Variants in ERLEC1 observed in about 807,000 individuals in gnomAD.
ERLEC1 encodes ER lectin.
Under a neutral mutation model 68.0 loss-of-function variants are expected in ERLEC1, and 47 were observed. The observed-to-expected ratio is 0.69, with a 90% confidence interval of 0.55 to 0.88. The LOEUF is 0.88. Ranked by LOEUF, ERLEC1 falls within the 40% of genes least tolerant of loss-of-function variation. The probability of loss-of-function intolerance (pLI) is 0.00; values close to 1 mark genes in which losing one functional copy is unlikely to be tolerated. For missense variants in ERLEC1, 567 were observed against 583.8 expected (o/e 0.97, Z 0.30); for synonymous variants, 225 against 203.2 (o/e 1.11, Z -0.91).
In ERLEC1 at chr2:53,812,996, A is replaced by G; in HGVS notation, c.1149A>G (p.Gln383=). 1 of 1,613,794 alleles carries G rather than the reference A, an allele frequency of 6.2e-7. No individual in the cohort carries two copies. The highest frequency in any genetic ancestry group is 8.5e-7 in the Non-Finnish European group (1 of 1,179,938). Residue 383 remains glutamine, a synonymous_variant, in exon 11 of 14, where the codon CAA becomes CAG. Coordinates refer to ENST00000185150, the MANE Select transcript of ERLEC1 (RefSeq NM_015701.5). ...KTSVVVGTWN[Q]EEHIEWAKKN... ...CTGTGGTTGTCGGGACATGGAACCA[A>G]GAAGAGCATATTGAATGGGCTAAGA...
intron 10 of ERLEC1, among the ~76,000 whole-genome samples, chr2:53,811,938 A>G (rs1218543673): frequency 6.6e-6 from 1 of 152,052 alleles, no homozygotes; most frequent in Non-Finnish European, 1.5e-5. Flanking sequence ...TTTGTTTGAG[A>G]CAGAGTTTTC....
chr2:53,807,528 C>T (rs755815432), intron 8 of ERLEC1, among the ~76,000 whole-genome samples: 2 of 152,154 alleles, frequency 1.3e-5, no homozygotes, highest in Non-Finnish European at 2.9e-5. Flanking sequence ...GCCTCAACCT[C>T]CCGAGTAGCT....
At chr2:53,788,863 C>G (rs966463893) in intron 1 of ERLEC1, among the ~76,000 whole-genome samples, 5 of 152,052 alleles carry the variant, frequency 3.3e-5, no homozygotes, top group African/African-American at 9.7e-5. Context: ...CCAAAGAGCA[C>G]ACTTGGAGTG....
chr2:53,814,807 G>T, intron 12 of ERLEC1, 53 bp from the exon 13 acceptor site: 1 of 1,352,246 alleles, frequency 7.4e-7, no homozygotes, highest in Non-Finnish European at 1.1e-6. Context: ...GTTATTAACA[G>T]TGATCTTACT....
At chr2:53,802,870 T>C (rs566191967) in intron 8 of ERLEC1, among the ~76,000 whole-genome samples, 3 of 152,304 alleles carry the variant, frequency 2.0e-5, no homozygotes, top group African/African-American at 7.2e-5. Flanking sequence ...GTGCTGGGAT[T>C]ACAAGCGTGC....
Position 53,787,276 on chromosome 2 carries a change from C to T in ERLEC1, c.66C>T (p.Cys22=). 2 of 1,608,746 alleles carry T rather than the reference C, an allele frequency of 1.2e-6. No homozygotes were observed. The highest frequency in any genetic ancestry group is 8.5e-7 in the Non-Finnish European group (1 of 1,179,916). ...VPGGPVLLVL[C]GLLEASGGGR... ...GCGGGCCGGTGTTACTGGTCCTCTG[C>T]GGCCTCCTGGAGGCGTCCGGCGGCG... is the stretch of plus-strand genomic sequence containing the variant. The change falls in exon 1 of 14, where the codon TGC becomes TGT. Residue 22 remains cysteine (C), a synonymous_variant. Transcript: ENST00000185150.
chr2:53,804,033 AGGCACAAGAAT>A, intron 8 of ERLEC1, among the ~76,000 whole-genome samples: 1 of 152,212 alleles, frequency 6.6e-6, no homozygotes, highest in Non-Finnish European at 1.5e-5. Context: ...CGGGAGGATG[AGGCACAAGAAT>A]GGCTCGAACC....
chr2:53,788,088 C>G (rs1346425264), intron 1 of ERLEC1, among the ~76,000 whole-genome samples: 1 of 152,206 alleles, frequency 6.6e-6, no homozygotes, highest in East Asian at 1.9e-4. Context: ...AAAAGTCTTC[C>G]TGTCCACGTG....
chr2:53,814,653 T>C (rs1301047525), intron 12 of ERLEC1, 33 bp downstream of exon 12: 1 of 1,520,156 alleles, frequency 6.6e-7, no homozygotes, highest in East Asian at 2.3e-5. Flanking sequence ...GCTGTATGCC[T>C]TTGTCTTTTA....
At position 53,809,214 on chromosome 2, in the gene ERLEC1, G is replaced by A. The variant is rs749755587; in HGVS notation, c.1042G>A (p.Gly348Ser). The A allele has an allele frequency of 1.2e-5, 19 of 1,579,782 alleles. No individual in the cohort carries two copies. Among genetic ancestry groups the A allele is most frequent in the Non-Finnish European group, 1.6e-5 (19 of 1,170,028 alleles). Residue 348 changes from glycine (G) to serine (S), a missense_variant and splice_region_variant, in exon 10 of 14, where the codon GGT (glycine) becomes AGT (serine). Coordinates refer to ENST00000185150, the MANE Select transcript of ERLEC1 (RefSeq NM_015701.5). Reference protein sequence around the residue: ...FLSGSYCFRGGVGWWKYEFCY... With the variant: ...FLSGSYCFRGSVGWWKYEFCY... Reference sequence around the variant, plus strand: ...TCTAATATGTTTTCTTTTTTTTTAGGGTGTCGGTTGGTGGAAATATGAATT... The same window carrying A: ...TCTAATATGTTTTCTTTTTTTTTAGAGTGTCGGTTGGTGGAAATATGAATT...
rs1676001899 is a variant in ERLEC1 at position 53,801,489 on chromosome 2, C to G, written c.618C>G (p.Pro206=). Residue 206 remains proline (P), a synonymous_variant, in exon 7 of 14, where the codon CCC becomes CCG. Transcript: ENST00000185150. Reference sequence around the variant, plus strand: ...CTTGTAGTTTGAAACAGAACCGGCCCAGATCAAGTACTGTGATGTACATAT... The same window carrying G: ...CTTGTAGTTTGAAACAGAACCGGCCGAGATCAAGTACTGTGATGTACATAT... ...GTPCSLKQNR[P]RSSTVMYICH... is the part of the protein sequence containing the mutation. 6.2e-7 allele frequency: 1 copy of G among 1,613,978 alleles called. No individual in the cohort carries two copies. Among genetic ancestry groups the G allele is most frequent in the African/African-American group, 1.3e-5 (1 of 74,996 alleles).
intron 13 of ERLEC1, among the ~76,000 whole-genome samples, chr2:53,817,380 G>A (rs1014865049): frequency 3.3e-5 from 5 of 151,994 alleles, no homozygotes; most frequent in Non-Finnish European, 4.4e-5. Flanking sequence ...CGATCCGCCC[G>A]TCTCGGCCTC....
intron 8 of ERLEC1, among the ~76,000 whole-genome samples, chr2:53,806,965 A>G (rs1455861478): frequency 6.6e-6 from 1 of 152,058 alleles, no homozygotes; most frequent in East Asian, 1.9e-4. Flanking sequence ...CTTACTTTAG[A>G]TTCTCTTCAT....
Position 53,814,724 on chromosome 2 carries a change from A to C in ERLEC1, c.1304+104A>C, listed in dbSNP as rs547992045. The C allele has an allele frequency of 5.4e-4, 541 of 1,009,370 alleles. 1 individual carries two copies. The highest frequency in any genetic ancestry group is 3.6e-3 in the Middle Eastern group (14 of 3,862). The allele number at this position is 1,009,370 out of a possible 1,614,324, so 62.5% of individuals were successfully genotyped here. A position where few individuals can be genotyped will look rare whatever the true frequency, so the allele number is the denominator to read the frequency against. ...TATAATTATGAATAATTATGAAAGT[A>C]TACCATTTAAATTATTGATAAAATT... On this transcript the variant is annotated intron_variant, in intron 12 of 13. Coordinates refer to ENST00000185150, the MANE Select transcript of ERLEC1 (RefSeq NM_015701.5).
intron 10 of ERLEC1, among the ~76,000 whole-genome samples, 176 bp downstream of exon 10, chr2:53,809,449 C>T (rs539958998): frequency 2.4e-4 from 37 of 152,262 alleles, no homozygotes; most frequent in African/African-American, 8.9e-4. Context: ...TTAACCAAAT[C>T]GGTAACCTTA....
chr2:53,812,942 A>C lies in ERLEC1; in HGVS notation c.1102-7A>C. 6.3e-7 allele frequency: 1 copy of C among 1,598,728 alleles called. No individual in the cohort carries two copies. The highest frequency in any genetic ancestry group is 8.5e-7 in the Non-Finnish European group (1 of 1,176,656). On this transcript the variant is annotated splice_region_variant and splice_polypyrimidine_tract_variant and intron_variant, in intron 10 of 13. Coordinates refer to ENST00000185150, the MANE Select transcript of ERLEC1 (RefSeq NM_015701.5). ...ACGCATTATCACAAATTTTTTTCCC[A>C]TATTAGGACAAGGATAGTGGGAAAA...
chr2:53,787,220 G>C lies in ERLEC1; in HGVS notation c.10G>C (p.Gly4Arg). MEE[G>R]GGGVRSLVPG... ...AAAGCGGCGGCGGAGGATGGAGGAA[G>C]GAGGCGGCGGCGTACGGAGTCTGGT... The change falls in exon 1 of 14, where the codon GGA becomes CGA. Residue 4 changes from glycine to arginine, a missense_variant. By Grantham distance (125) the Gly-to-Arg change is moderately radical (BLOSUM62 -2). Transcript: ENST00000185150. 1 of 1,602,496 alleles carries C rather than the reference G, an allele frequency of 6.2e-7. No homozygotes were observed. Among genetic ancestry groups the C allele is most frequent in the Non-Finnish European group, 8.5e-7 (1 of 1,177,998 alleles).
chr2:53,813,045 C>A lies in ERLEC1; in HGVS notation c.1198C>A (p.Leu400Ile), dbSNP rs1372215362. 6.2e-7 allele frequency: 1 copy of A among 1,612,624 alleles called. No homozygotes were observed. Among genetic ancestry groups the A allele is most frequent in the Admixed American group, 1.7e-5 (1 of 59,502 alleles). The change falls in exon 11 of 14, where the codon CTT becomes ATT. Residue 400 changes from leucine (L) to isoleucine (I), a missense_variant. Physicochemically the swap from Leu to Ile is conservative, Grantham distance 5. Transcript: ENST00000185150. ...AKKNTARAYH[L>I]QDDGTQTVRM... is the part of the protein sequence containing the mutation. ...GAAGAATACTGCTAGAGCTTATCAT[C>A]TTCAAGACGATGGTACCCAGACAGT...
At chr2:53,788,391 T>TTTGGG (rs1558587649) in intron 1 of ERLEC1, among the ~76,000 whole-genome samples, 2 of 151,844 alleles carry the variant, frequency 1.3e-5, no homozygotes, top group African/African-American at 4.8e-5. Context: ...TTTGGTTTGG[T>TTTGGG]TTGGGTTTTT....
Sources: gnomAD v4.1 joint callset for allele counts (sites outside exome capture counted in the v4.1 genomes callset) on GRCh38, gnomAD v4.1.1 for gene constraint, MANE v1.5 for transcripts, NCBI Gene and HGNC (gene_info 2026-07-23, HGNC 2026-07-21) for gene names.